The following ST6GALNAC5 variants were observed in gnomAD, a reference collection of about 807,000 sequenced individuals.
ST6GALNAC5 encodes the protein ST6 N-acetylgalactosaminide alpha-2,6-sialyltransferase 5, also known as alpha-N-acetylgalactosaminide alpha-2,6-sialyltransferase 5.
In ST6GALNAC5, 27 loss-of-function variants were observed where a neutral mutation model predicts 33.6. The ratio of observed to expected loss-of-function variants is 0.80; its 90% CI spans 0.59 to 1.11. ST6GALNAC5 has a LOEUF of 1.11. ST6GALNAC5 is among the 50% of genes least tolerant of loss of function. ST6GALNAC5 has a pLI of 0.00. For synonymous variants in ST6GALNAC5, 194 were observed against 171.2 expected, an observed-to-expected ratio of 1.13 and a Z score of -1.04; for missense variants, 428 against 454.0, an observed-to-expected ratio of 0.94 and a Z score of 0.52.
At chr1:76,946,604 G>T (rs1171107472) in intron 2 of ST6GALNAC5, among the ~76,000 whole-genome samples, 1 of 152,054 alleles carries the variant, frequency 6.6e-6, no homozygotes, top group Non-Finnish European at 1.5e-5. Context: ...AAGAAAAAAT[G>T]CCCCAAACCC....
chr1:76,967,194 C>G (rs1462289478), intron 2 of ST6GALNAC5, among the ~76,000 whole-genome samples: 1 of 152,166 alleles, frequency 6.6e-6, no homozygotes, highest in Non-Finnish European at 1.5e-5. Flanking sequence ...CTTTGTATCT[C>G]TGGTACAATT....
chr1:76,888,204 C>T (rs909565203), intron 2 of ST6GALNAC5, among the ~76,000 whole-genome samples: 5 of 151,830 alleles, frequency 3.3e-5, no homozygotes, highest in East Asian at 1.9e-4. Context: ...TTTAAAGCAG[C>T]GCTTCTCAAA....
intron 2 of ST6GALNAC5, among the ~76,000 whole-genome samples, chr1:76,877,088 A>C (rs1653659147): frequency 6.6e-6 from 1 of 152,188 alleles, no homozygotes; most frequent in Non-Finnish European, 1.5e-5. Context: ...CATGATAGGC[A>C]ATTCAGTTTG....
At chr1:76,929,826 T>G (rs1346687130) in intron 2 of ST6GALNAC5, among the ~76,000 whole-genome samples, 1 of 152,086 alleles carries the variant, frequency 6.6e-6, no homozygotes, top group Non-Finnish European at 1.5e-5. Context: ...TTATTAAAAC[T>G]GGGGCCAGGA....
chr1:76,982,370 C>G (rs1649293960), intron 2 of ST6GALNAC5, among the ~76,000 whole-genome samples: 1 of 152,104 alleles, frequency 6.6e-6, no homozygotes, highest in African/African-American at 2.4e-5. Flanking sequence ...GAAGCATGCA[C>G]AAGCTTCAAT....
chr1:76,967,286 G>C (rs1385070884), intron 2 of ST6GALNAC5, among the ~76,000 whole-genome samples: 2 of 152,108 alleles, frequency 1.3e-5, no homozygotes, highest in African/African-American at 2.4e-5. Flanking sequence ...CCTGTTATTG[G>C]TCTATTCAGA....
chr1:77,045,908 C>T (rs1651992319), intron 3 of ST6GALNAC5, among the ~76,000 whole-genome samples: 2 of 152,186 alleles, frequency 1.3e-5, no homozygotes, highest in Admixed American at 6.5e-5. Context: ...CTCTGTCACT[C>T]TCTAGTTGTG....
chr1:76,973,057 T>C (rs1444836714), intron 2 of ST6GALNAC5, among the ~76,000 whole-genome samples: 1 of 152,150 alleles, frequency 6.6e-6, no homozygotes, highest in African/African-American at 2.4e-5. Flanking sequence ...CAAATGTTTT[T>C]CCTAGTTCAT....
At chr1:76,997,802 C>A (rs1649993754) in intron 2 of ST6GALNAC5, among the ~76,000 whole-genome samples, 1 of 152,114 alleles carries the variant, frequency 6.6e-6, no homozygotes, top group Admixed American at 6.6e-5. Context: ...AGTTCAAGAC[C>A]AACCTGAGCA....
intron 2 of ST6GALNAC5, among the ~76,000 whole-genome samples, chr1:77,015,133 A>G (rs145285616): frequency 4.1e-4 from 63 of 152,102 alleles, no homozygotes; most frequent in African/African-American, 1.5e-3. Flanking sequence ...ACGGAGGCCA[A>G]GACATCCCAT....
chr1:77,001,588 C>G (rs570397387), intron 2 of ST6GALNAC5, among the ~76,000 whole-genome samples: 2 of 151,820 alleles, frequency 1.3e-5, no homozygotes, highest in East Asian at 3.9e-4. Flanking sequence ...GAAGGGAATG[C>G]TTCCAGTTTT....
intron 2 of ST6GALNAC5, among the ~76,000 whole-genome samples, chr1:76,957,727 A>G (rs1648064648): frequency 6.6e-6 from 1 of 151,906 alleles, no homozygotes; most frequent in Admixed American, 6.6e-5. Context: ...CATTTTCGCT[A>G]CATAACCACA....
intron 2 of ST6GALNAC5, among the ~76,000 whole-genome samples, chr1:76,869,394 A>T (rs1294459544): frequency 1.3e-5 from 2 of 152,218 alleles, no homozygotes; most frequent in African/African-American, 2.4e-5. Flanking sequence ...TGAATTTTTT[A>T]AAATTGGGCC....
At chr1:76,883,735 A>C (rs560396039) in intron 2 of ST6GALNAC5, among the ~76,000 whole-genome samples, 1 of 152,246 alleles carries the variant, frequency 6.6e-6, no homozygotes, top group Non-Finnish European at 1.5e-5. Context: ...CAGTTTATAG[A>C]AGAGAAAGTT....
chr1:76,907,783 T>A (rs1269572805), intron 2 of ST6GALNAC5, among the ~76,000 whole-genome samples: 1 of 152,168 alleles, frequency 6.6e-6, no homozygotes, highest in Non-Finnish European at 1.5e-5. Flanking sequence ...CACTTTGTCT[T>A]GACCTCTGCT....
intron 2 of ST6GALNAC5, among the ~76,000 whole-genome samples, chr1:77,038,755 C>T (rs74090590): frequency 0.023 from 3,444 of 152,262 alleles, 128 homozygotes; most frequent in African/African-American, 0.079. Flanking sequence ...TCCCTGAGCA[C>T]GCTTCCCAAG....
intron 2 of ST6GALNAC5, among the ~76,000 whole-genome samples, chr1:77,008,763 C>A (rs1474112163): frequency 6.6e-6 from 1 of 152,160 alleles, no homozygotes; most frequent in Non-Finnish European, 1.5e-5. Context: ...CTCCTGACCT[C>A]AGATGATCCA....
In ST6GALNAC5 at chr1:76,868,643, C is replaced by A. The variant is rs773639928; in HGVS notation, c.162C>A (p.Gly54=). The change falls in exon 2 of 5, where the codon GGC becomes GGA. Residue 54 remains glycine, a synonymous_variant. Transcript: ENST00000477717. The surrounding 1 kb of genome is among the most constrained non-coding windows in gnomAD (Gnocchi z 4.3). ...AGCAGCAGCAGGCGTCGGCCACCGG[C>A]AGCTCGCAGCCGGCGGCGGAGAGCA... ...QQQQQQASAT[G]SSQPAAESST... 6.7e-5 allele frequency: 108 copies of A among 1,605,362 alleles called. No individual in the cohort carries two copies. Among genetic ancestry groups the A allele is most frequent in the Non-Finnish European group, 8.8e-5 (104 of 1,175,802 alleles).
At chr1:77,052,575 A>G (rs1652259714) in intron 4 of ST6GALNAC5, among the ~76,000 whole-genome samples, 1 of 151,846 alleles carries the variant, frequency 6.6e-6, no homozygotes, top group Non-Finnish European at 1.5e-5. Context: ...TATGTAAAAT[A>G]ATTTATATTA....
Sources: gnomAD v4.1 joint callset for allele counts (sites outside exome capture counted in the v4.1 genomes callset) on GRCh38, gnomAD v4.1.1 for gene constraint, Gnocchi (gnomAD v3.1) non-coding constraint, MANE v1.5 for transcripts, NCBI Gene and HGNC (gene_info 2026-07-23, HGNC 2026-07-21) for gene names.